SPACA7: variants seen among roughly 807,000 people sequenced by gnomAD.
SPACA7 encodes sperm acrosome-associated protein 7.
In SPACA7, 19 loss-of-function variants were observed where a neutral mutation model predicts 26.3. The ratio of observed to expected loss-of-function variants is 0.72; its 90% CI spans 0.50 to 1.06. The LOEUF is 1.06. Among genes scored for constraint, SPACA7 ranks in the 50% least tolerant of loss-of-function variants. SPACA7 has a pLI of 0.00. For synonymous variants in SPACA7, 84 were observed against 84.5 expected (o/e 0.99, Z 0.04); for missense variants, 211 against 229.9 (o/e 0.92, Z 0.53).
intron 5 of SPACA7, among the ~76,000 whole-genome samples, chr13:112,404,471 G>C (rs905823154): frequency 2.0e-5 from 3 of 152,128 alleles, no homozygotes; most frequent in Non-Finnish European, 4.4e-5. Flanking sequence ...TTGGGTTCTT[G>C]CTCATGAAGT....
At chr13:112,378,643 G>T (rs1479810271) in intron 1 of SPACA7, 1 of 470,328 alleles carries the variant, frequency 2.1e-6, no homozygotes, top group East Asian at 7.0e-5. Context: ...TCTTCCGAAG[G>T]TCTCGAGGTT....
At chr13:112,376,554 G>A in intron 1 of SPACA7, 75 bp downstream of exon 1, 1 of 1,490,096 alleles carries the variant, frequency 6.7e-7, no homozygotes, top group South Asian at 1.2e-5. Flanking sequence ...TCTCCCATGG[G>A]TTCCTCTTAT....
intron 1 of SPACA7, among the ~76,000 whole-genome samples, chr13:112,386,546 C>T (rs1225285346): frequency 6.6e-6 from 1 of 151,612 alleles, no homozygotes; most frequent in Non-Finnish European, 1.5e-5. Context: ...CTCTGTTTTT[C>T]CCAAGGAGTC....
chr13:112,418,143 A>C (rs766416383), intron 5 of SPACA7, among the ~76,000 whole-genome samples: 1 of 152,206 alleles, frequency 6.6e-6, no homozygotes, highest in African/African-American at 2.4e-5. Context: ...GAAAATCTTT[A>C]GAAATTCTAG....
chr13:112,384,876 T>C (rs1051190804), intron 1 of SPACA7, among the ~76,000 whole-genome samples: 5 of 152,182 alleles, frequency 3.3e-5, no homozygotes, highest in Non-Finnish European at 1.5e-5. Context: ...GAAAACCAAA[T>C]TTCATGTATG....
intron 5 of SPACA7, among the ~76,000 whole-genome samples, chr13:112,422,320 T>A (rs111615192): frequency 6.6e-6 from 1 of 152,152 alleles, no homozygotes; most frequent in South Asian, 2.1e-4. Context: ...GAAATGAAAG[T>A]AAAAGCAGAC....
At position 112,411,601 on chromosome 13, in the gene SPACA7, T is replaced by C. The variant is rs1886355803; in HGVS notation, c.445+10437T>C. ...TCTCTCTCTATTTCCTTCTCCCCTT[T>C]TACCTTCCCAGCCTCTGGTAACCAC... On this transcript the variant is annotated intron_variant, in intron 5 of 6. Transcript: ENST00000283550. 2.0e-5 allele frequency among the ~76,000 whole-genome samples: 3 copies of C among 152,096 alleles called. 1 individual carries two copies. The highest frequency in any genetic ancestry group is 4.1e-4 in the South Asian group (2 of 4,820).
At chr13:112,408,017 C>T (rs1886100365) in intron 5 of SPACA7, among the ~76,000 whole-genome samples, 1 of 152,142 alleles carries the variant, frequency 6.6e-6, no homozygotes, top group Non-Finnish European at 1.5e-5. Flanking sequence ...AAAGCTTATC[C>T]ACCATGATCA....
intron 5 of SPACA7, among the ~76,000 whole-genome samples, chr13:112,410,683 T>A (rs979610917): frequency 2.0e-5 from 3 of 152,072 alleles, no homozygotes; most frequent in Non-Finnish European, 4.4e-5. Flanking sequence ...GAAATTGGAA[T>A]TCTTGTGCAC....
intron 1 of SPACA7, among the ~76,000 whole-genome samples, chr13:112,391,470 C>T (rs1396620386): frequency 6.6e-6 from 1 of 152,182 alleles, no homozygotes; most frequent in Non-Finnish European, 1.5e-5. Context: ...CCCAAATTAA[C>T]CAGAATGAAG....
chr13:112,421,997 ATAAC>A (rs1200529726), intron 5 of SPACA7, among the ~76,000 whole-genome samples: 1 of 152,198 alleles, frequency 6.6e-6, no homozygotes, highest in Non-Finnish European at 1.5e-5. Flanking sequence ...ATGAGGAAAA[ATAAC>A]TAATAGGGAC....
At chr13:112,428,978 A>G (rs567952673) in intron 5 of SPACA7, among the ~76,000 whole-genome samples, 28 of 152,322 alleles carry the variant, frequency 1.8e-4, no homozygotes, top group Admixed American at 1.2e-3. Flanking sequence ...GGATGTGTTC[A>G]TTACTCCTTT....
chr13:112,415,338 C>T (rs900844186), intron 5 of SPACA7, among the ~76,000 whole-genome samples: 3 of 152,224 alleles, frequency 2.0e-5, no homozygotes, highest in African/African-American at 7.2e-5. Context: ...GCTGCTACTG[C>T]CTAACTGCCA....
intron 5 of SPACA7, among the ~76,000 whole-genome samples, chr13:112,428,592 A>T (rs7139984): frequency 0.26 from 38,908 of 152,056 alleles, 5,092 homozygotes; most frequent in South Asian, 0.43. Context: ...AAAATAAAAC[A>T]AAAACAAAAA....
intron 1 of SPACA7, among the ~76,000 whole-genome samples, chr13:112,382,840 T>A (rs756900397): frequency 6.6e-6 from 1 of 151,726 alleles, no homozygotes; most frequent in Admixed American, 6.6e-5. Context: ...ACACAAAAAA[T>A]TAGCCAGGCA....
intron 5 of SPACA7, among the ~76,000 whole-genome samples, chr13:112,422,201 C>G (rs1338882962): frequency 6.6e-6 from 1 of 152,086 alleles, no homozygotes; most frequent in Admixed American, 6.5e-5. Flanking sequence ...AAAAGGAAAA[C>G]TAGATCATTT....
chr13:112,384,564 T>C (rs899975575), intron 1 of SPACA7, among the ~76,000 whole-genome samples: 1 of 152,158 alleles, frequency 6.6e-6, no homozygotes, highest in Admixed American at 6.5e-5. Flanking sequence ...AATTTATAAT[T>C]TGATTTTGGA....
chr13:112,381,327 C>CA (rs901595012), intron 1 of SPACA7, among the ~76,000 whole-genome samples: 14 of 151,252 alleles, frequency 9.3e-5, no homozygotes, highest in East Asian at 1.9e-4. Context: ...CCATCTCTAC[C>CA]AAAAAAAATG....
intron 1 of SPACA7, chr13:112,382,200 C>T (rs910476048): frequency 8.5e-5 from 39 of 456,744 alleles, no homozygotes; most frequent in Middle Eastern, 5.9e-4. Context: ...ATCTTGCAAA[C>T]GTGGTTTCAA....
Sources: gnomAD v4.1 joint callset for allele counts (sites outside exome capture counted in the v4.1 genomes callset) on GRCh38, gnomAD v4.1.1 for gene constraint, MANE v1.5 for transcripts, NCBI Gene and HGNC (gene_info 2026-07-23, HGNC 2026-07-21) for gene names.